Variants in SRPRB observed in about 807,000 individuals in gnomAD.
SRPRB encodes the protein signal recognition particle receptor subunit beta.
In SRPRB, 20 loss-of-function variants were observed where a neutral mutation model predicts 31.9. The ratio of observed to expected loss-of-function variants is 0.63; its 90% CI spans 0.44 to 0.91. SRPRB has a LOEUF of 0.91. SRPRB is among the 40% of genes least tolerant of loss of function. The pLI is 0.00. For synonymous variants in SRPRB, 146 were observed against 132.8 expected (o/e 1.10, Z -0.68); for missense variants, 321 against 324.9 (o/e 0.99, Z 0.09).
chr3:133,820,042 T>C lies in SRPRB; in HGVS notation c.*276T>C. ...TAACTTGATGTAGGGTCAAGGTTTTTGTGACAACAGGCAGACTCCACACAG... is the reference window on the plus strand; with the variant it reads ...TAACTTGATGTAGGGTCAAGGTTTTCGTGACAACAGGCAGACTCCACACAG... On this transcript the variant is annotated 3_prime_UTR_variant, in exon 7 of 7. Coordinates refer to ENST00000678299, the MANE Select transcript of SRPRB (RefSeq NM_001379313.1). 2.5e-6 allele frequency: 1 copy of C among 393,826 alleles called. No individual in the cohort carries two copies. The highest frequency in any genetic ancestry group is 3.1e-5 in the South Asian group (1 of 32,628). The allele number at this position is 393,826 out of a possible 1,614,324, so 24.4% of individuals were successfully genotyped here.
chr3:133,789,889 T>A (rs1462185587), intron 1 of SRPRB: 41 of 48,924 alleles, frequency 8.4e-4, no homozygotes, highest in Non-Finnish European at 1.8e-3. Context: ...GTTTTTTTTT[T>A]TTTTTTTTTT....
At chr3:133,807,628 A>T in intron 2 of SRPRB, 118 bp from the exon 3 acceptor site, 1 of 689,378 alleles carries the variant, frequency 1.5e-6, no homozygotes, top group South Asian at 1.8e-5. Flanking sequence ...CGTCTTTTTC[A>T]CCTGTCGGAA....
Position 133,815,592 on chromosome 3 carries a change from C to T in SRPRB, c.413C>T (p.Ala138Val), listed in dbSNP as rs902043410. The change falls in exon 5 of 7, where the codon GCT becomes GTT. Residue 138 changes from alanine to valine, a missense_variant and splice_region_variant. Transcript: ENST00000678299. The part of the protein sequence containing the change: ...FLERFKSSAR[A>V]IVFVVDSAAF... ...TTTTTCTTGTTTTCTCCCTCCAGGG[C>T]TATTGTGTTTGTTGTGGATAGTGCA... 6 of 1,613,632 alleles carry T rather than the reference C, an allele frequency of 3.7e-6. No homozygotes were observed. In the East Asian group the frequency reaches 8.9e-5, roughly 24 times the overall value.
At chr3:133,805,604 A>G, upstream of SRPRB, 2 of 395,660 alleles carry the variant, frequency 5.1e-6, no homozygotes, top group African/African-American at 2.1e-5. Context: ...GTAGGTGACG[A>G]CGACTGACTC....
intron 6 of SRPRB, 24 bp downstream of exon 6, chr3:133,816,956 GTTAA>G: frequency 1.3e-6 from 2 of 1,596,968 alleles, no homozygotes; most frequent in Non-Finnish European, 1.7e-6. Flanking sequence ...AGGCCTGTTG[GTTAA>G]TTATATATCT....
At chr3:133,786,851 A>G (rs1162047914) in intron 1 of SRPRB, 3 of 152,244 alleles carry the variant, frequency 2.0e-5, no homozygotes, top group Non-Finnish European at 2.9e-5. Context: ...CATCTTATCT[A>G]TGTAGATGTT....
At position 133,807,777 on chromosome 3, in the gene SRPRB, C is replaced by A. The variant is rs201873895; in HGVS notation, c.281C>A (p.Thr94Lys). 6.2e-7 allele frequency: 1 copy of A among 1,612,794 alleles called. No individual in the cohort carries two copies. Among genetic ancestry groups the A allele is most frequent in the East Asian group, 2.2e-5 (1 of 44,824 alleles). ...LLTGLYRDTQ[T>K]SITDSCAVYR... ...ACAGGCCTTTATAGAGACACTCAGA[C>A]GTCCATTACTGACAGCTGTGCTGTA... The change falls in exon 3 of 7, where the codon ACG becomes AAG. Residue 94 changes from threonine (T) to lysine (K), a missense_variant. Coordinates refer to ENST00000678299, the MANE Select transcript of SRPRB (RefSeq NM_001379313.1).
intron 1 of SRPRB, among the ~76,000 whole-genome samples, chr3:133,799,405 C>T (rs1294222565): frequency 6.6e-6 from 1 of 152,074 alleles, no homozygotes; most frequent in African/African-American, 2.4e-5. Context: ...TTCAGTAAAA[C>T]AAGTTTCATA....
At chr3:133,796,103 C>T (rs1934963452) in intron 1 of SRPRB, 1 of 153,260 alleles carries the variant, frequency 6.5e-6, no homozygotes. Context: ...CCTGAGTTCC[C>T]ATTAAATCTT....
rs1440253794 is a variant in SRPRB, at chr3:133,805,895, G to T, written c.47G>T (p.Gly16Val). The stretch of plus-strand genomic sequence containing the variant: ...CGGGTGGCAGATGGCGGCGGTGCCG[G>T]GGGCACCTTCCAGCCCTACCTAGAC... Reference protein sequence around the residue: ...SRRVADGGGAGGTFQPYLDTL... With the variant: ...SRRVADGGGAVGTFQPYLDTL... Residue 16 changes from glycine (G) to valine (V), a missense_variant, in exon 1 of 7, where the codon GGG becomes GTG. Transcript: ENST00000678299. 4.3e-6 allele frequency: 7 copies of T among 1,613,676 alleles called. No homozygotes were observed.
At chr3:133,814,132 ATTTTTT>A (rs928130359) in intron 4 of SRPRB, among the ~76,000 whole-genome samples, 1 of 137,856 alleles carries the variant, frequency 7.3e-6, no homozygotes, top group Admixed American at 7.3e-5. Context: ...TAAGGCTTGT[ATTTTTT>A]TTTTTTTTTT....
intron 4 of SRPRB, 146 bp downstream of exon 4, chr3:133,811,345 G>A: frequency 1.6e-6 from 1 of 626,592 alleles, no homozygotes; most frequent in Admixed American, 3.4e-5. Context: ...GCCAGTTCTG[G>A]GTTGCAAGTC....
At chr3:133,823,117 T>G (rs17310413), downstream of SRPRB, among the ~76,000 whole-genome samples, 23,584 of 152,236 alleles carry the variant, frequency 0.15, 1,933 homozygotes, top group Non-Finnish European at 0.19. Flanking sequence ...CTAAGCGCTG[T>G]GTGGGCTTGT....
chr3:133,817,415 A>G (rs949175204), intron 6 of SRPRB, among the ~76,000 whole-genome samples: 2 of 152,256 alleles, frequency 1.3e-5, no homozygotes, highest in African/African-American at 2.4e-5. Context: ...CAGAATAAGA[A>G]CAGAACACTG....
upstream of SRPRB, among the ~76,000 whole-genome samples, chr3:133,800,950 G>T (rs1935052530): frequency 6.6e-6 from 1 of 152,184 alleles, no homozygotes; most frequent in Admixed American, 6.5e-5. Context: ...TATGTACAGA[G>T]GAATGTCTTA....
chr3:133,820,832 C>G lies in SRPRB; in HGVS notation c.*1066C>G, dbSNP rs1048947482. 6.6e-6 allele frequency: 1 copy of G among 152,178 alleles called. No individual in the cohort carries two copies. The allele number at this position is 152,178 out of a possible 1,614,324, so 9.4% of individuals were successfully genotyped here. A position where few individuals can be genotyped will look rare whatever the true frequency, so the allele number is the denominator to read the frequency against. On this transcript the variant is annotated 3_prime_UTR_variant, in exon 7 of 7. Transcript: ENST00000678299. ...TGCACATGTCAGGACTCAGGTCTAACTCCTTGTCTCCTGAGCCTAAAGATT... is the reference window on the plus strand; with the variant it reads ...TGCACATGTCAGGACTCAGGTCTAAGTCCTTGTCTCCTGAGCCTAAAGATT...
intron 1 of SRPRB, chr3:133,789,170 A>G (rs1474179109): frequency 6.6e-6 from 1 of 152,298 alleles, no homozygotes. Flanking sequence ...AGCAGTTCTA[A>G]GGACTAGTAC....
At chr3:133,810,021 G>A (rs1395642122) in intron 3 of SRPRB, among the ~76,000 whole-genome samples, 2 of 151,574 alleles carry the variant, frequency 1.3e-5, no homozygotes, top group East Asian at 1.9e-4. Context: ...ACCCCCTTAC[G>A]TTTTCGATCT....
At chr3:133,805,754 A>C (rs948110299), upstream of SRPRB, 102 of 1,478,564 alleles carry the variant, frequency 6.9e-5, no homozygotes, top group Middle Eastern at 7.7e-4. Context: ...ACTATGGCTT[A>C]GGAACCACCA....
Sources: gnomAD v4.1 joint callset for allele counts (sites outside exome capture counted in the v4.1 genomes callset) on GRCh38, gnomAD v4.1.1 for gene constraint, MANE v1.5 for transcripts, NCBI Gene and HGNC (gene_info 2026-07-23, HGNC 2026-07-21) for gene names.